Variants in CACNA2D1 observed in about 807,000 individuals in gnomAD.
The protein encoded by CACNA2D1 is voltage-dependent calcium channel subunit alpha-2/delta-1.
In CACNA2D1, 53 loss-of-function variants were observed where a neutral mutation model predicts 171.5. That is an observed-to-expected ratio of 0.31 (90% CI 0.25 to 0.39). The LOEUF is 0.39. CACNA2D1 is among the 10% of genes least tolerant of loss of function. The pLI is 1.00. For missense variants in CACNA2D1, 903 were observed against 1,299.8 expected (o/e 0.69, Z 4.69); for synonymous variants, 442 against 443.1 (o/e 1.00, Z 0.03).
intron 6 of CACNA2D1, among the ~76,000 whole-genome samples, chr7:82,097,331 A>G (rs1447640047): frequency 6.6e-6 from 1 of 152,226 alleles, no homozygotes; most frequent in Non-Finnish European, 1.5e-5. Context: ...TGAAATAATC[A>G]TATCTGCAAA....
chr7:82,137,300 A>G (rs1398549750), intron 4 of CACNA2D1, among the ~76,000 whole-genome samples: 1 of 152,214 alleles, frequency 6.6e-6, no homozygotes, highest in Non-Finnish European at 1.5e-5. Context: ...AGTTTCCTGA[A>G]AAATACCATA....
At chr7:82,122,627 A>T (rs142321362) in intron 5 of CACNA2D1, among the ~76,000 whole-genome samples, 1 of 152,200 alleles carries the variant, frequency 6.6e-6, no homozygotes, top group South Asian at 2.1e-4. Flanking sequence ...AAGTATACCC[A>T]TATCTACACA....
intron 1 of CACNA2D1, among the ~76,000 whole-genome samples, chr7:82,442,621 T>C (rs966792826): frequency 2.0e-5 from 3 of 152,164 alleles, no homozygotes; most frequent in South Asian, 2.1e-4. Flanking sequence ...ATTTTAGAAA[T>C]GGTAAAAATA....
At chr7:82,399,140 T>A (rs1441217237) in intron 1 of CACNA2D1, among the ~76,000 whole-genome samples, 1 of 151,964 alleles carries the variant, frequency 6.6e-6, no homozygotes, top group African/African-American at 2.4e-5. Context: ...TAAAAGGAAC[T>A]CTTGTTTCCA....
At chr7:82,057,230 T>C (rs763917388) in intron 10 of CACNA2D1, among the ~76,000 whole-genome samples, 30 of 152,184 alleles carry the variant, frequency 2.0e-4, no homozygotes, top group Non-Finnish European at 4.0e-4. Context: ...ATTTGCATCA[T>C]GAAAATTGGC....
intron 12 of CACNA2D1, among the ~76,000 whole-genome samples, chr7:82,030,407 G>GAAA (rs71520796): frequency 7.0e-6 from 1 of 142,160 alleles, no homozygotes; most frequent in Non-Finnish European, 1.5e-5. Flanking sequence ...TCCGAAACAG[G>GAAA]AAAAAAAAAA....
chr7:82,106,519 TTTTAA>T (rs1279125009), intron 6 of CACNA2D1, among the ~76,000 whole-genome samples: 1 of 149,796 alleles, frequency 6.7e-6, no homozygotes, highest in African/African-American at 2.4e-5. Context: ...CTGGGTTTCC[TTTTAA>T]TTTTTTTTTT....
intron 3 of CACNA2D1, among the ~76,000 whole-genome samples, chr7:82,268,898 T>C (rs1808265206): frequency 6.6e-6 from 1 of 152,120 alleles, no homozygotes. Context: ...CAAGAGAGGC[T>C]GGCAACAGGA....
intron 3 of CACNA2D1, among the ~76,000 whole-genome samples, chr7:82,188,744 A>G (rs1434309872): frequency 1.3e-5 from 2 of 152,152 alleles, no homozygotes; most frequent in Non-Finnish European, 2.9e-5. Flanking sequence ...ACTATTCATA[A>G]TAGCAAAAAC....
At chr7:82,288,045 T>C (rs944743991) in intron 3 of CACNA2D1, among the ~76,000 whole-genome samples, 2 of 150,782 alleles carry the variant, frequency 1.3e-5, no homozygotes, top group Non-Finnish European at 2.9e-5. Flanking sequence ...TTTCACTGTG[T>C]TAGCCGGGAT....
intron 4 of CACNA2D1, among the ~76,000 whole-genome samples, chr7:82,139,087 CTG>C (rs1427987123): frequency 2.0e-5 from 3 of 152,170 alleles, no homozygotes; most frequent in African/African-American, 7.2e-5. Context: ...TATGCACACA[CTG>C]TTGTGCCAAG....
chr7:81,955,978 ATATTTTTTTTTTTT>A (rs1793267157), intron 38 of CACNA2D1, among the ~76,000 whole-genome samples: 1 of 49,228 alleles, frequency 2.0e-5, no homozygotes, highest in African/African-American at 8.3e-5. Context: ...ATATATATAT[ATATTTTTTTTTTTT>A]TTTTTTTTTT....
intron 26 of CACNA2D1, among the ~76,000 whole-genome samples, chr7:81,971,403 G>C (rs1795257446): frequency 1.3e-5 from 2 of 151,564 alleles, no homozygotes; most frequent in Admixed American, 1.3e-4. Flanking sequence ...AAATGGGGTG[G>C]AGAAGAGATT....
intron 1 of CACNA2D1, among the ~76,000 whole-genome samples, chr7:82,394,464 T>G (rs1825563112): frequency 6.6e-6 from 1 of 152,128 alleles, no homozygotes; most frequent in Non-Finnish European, 1.5e-5. Flanking sequence ...AGATGATAGG[T>G]AGCTAGACAG....
chr7:82,176,438 T>G (rs1239615296), intron 3 of CACNA2D1, among the ~76,000 whole-genome samples: 1 of 152,034 alleles, frequency 6.6e-6, no homozygotes, highest in African/African-American at 2.4e-5. Context: ...TAGGAAAATC[T>G]TCATGTGCAG....
chr7:82,443,492 C>T lies in CACNA2D1; in HGVS notation c.-33G>A. 2 of 1,600,344 alleles carry T rather than the reference C, an allele frequency of 1.2e-6. No individual in the cohort carries two copies. The highest frequency in any genetic ancestry group is 1.7e-6 in the Non-Finnish European group (2 of 1,173,522). ...ATCGAAGATCAATGCCCCCTCCCTG[C>T]CCAAGCGGGGGAAGGAGCGGCGCTG... On this transcript the variant is annotated 5_prime_UTR_variant, in exon 1 of 39. Coordinates refer to ENST00000356860, the MANE Select transcript of CACNA2D1 (RefSeq NM_000722.4).
intron 3 of CACNA2D1, among the ~76,000 whole-genome samples, chr7:82,177,087 T>TTTGGG (rs1563160670): frequency 1.7e-4 from 7 of 41,544 alleles, no homozygotes; most frequent in South Asian, 1.7e-3. Flanking sequence ...TTTTTTTTTT[T>TTTGGG]GGCGGGGGTT....
intron 5 of CACNA2D1, among the ~76,000 whole-genome samples, chr7:82,125,544 T>TC (rs1196328125): frequency 2.0e-5 from 3 of 152,130 alleles, no homozygotes; most frequent in African/African-American, 7.2e-5. Context: ...AGCTTTTTTT[T>TC]CCCCTCAGTT....
intron 1 of CACNA2D1, among the ~76,000 whole-genome samples, chr7:82,441,353 C>G: frequency 6.6e-6 from 1 of 152,028 alleles, no homozygotes; most frequent in African/African-American, 2.4e-5. Flanking sequence ...TGACTTCGCT[C>G]CACAAAACCT....
Sources: allele counts gnomAD v4.1 joint callset (sites outside exome capture counted in the v4.1 genomes callset), GRCh38; gene constraint gnomAD v4.1.1; transcripts MANE v1.5; gene names NCBI Gene and HGNC (gene_info 2026-07-23, HGNC 2026-07-21).